The following SLC25A48 variants were observed in gnomAD, a reference collection of about 807,000 sequenced individuals.
SLC25A48 encodes the protein solute carrier family 25 member 48, also known as CTC-321K16.1.
A neutral mutation model predicts 32.2 loss-of-function variants in SLC25A48; 29 were observed. That is an observed-to-expected ratio of 0.90 (90% CI 0.67 to 1.23). The LOEUF (loss-of-function observed/expected upper bound fraction) is 1.23. Ranked by LOEUF, SLC25A48 falls within the 50% of genes most tolerant of loss-of-function variation. The probability of loss-of-function intolerance (pLI) is 0.00; values close to 1 mark genes in which losing one functional copy is unlikely to be tolerated. For synonymous variants in SLC25A48, 164 were observed against 172.3 expected (o/e 0.95, Z 0.38); for missense variants, 399 against 422.7 (o/e 0.94, Z 0.49).
chr5:135,674,637 C>T (rs1427835663), intron 3 of SLC25A48, among the ~76,000 whole-genome samples: 1 of 151,824 alleles, frequency 6.6e-6, no homozygotes, highest in Non-Finnish European at 1.5e-5. Flanking sequence ...ATAATGACCT[C>T]CAGTTCTGAC....
chr5:135,854,155 T>C (rs1760123006), intron 4 of SLC25A48, among the ~76,000 whole-genome samples: 1 of 152,220 alleles, frequency 6.6e-6, no homozygotes, highest in South Asian at 2.1e-4. Context: ...TTGTTCCTTT[T>C]CTAGAACACA....
chr5:135,837,304 G>A (rs1294887660), intron 1 of SLC25A48, among the ~76,000 whole-genome samples: 2 of 152,056 alleles, frequency 1.3e-5, no homozygotes, highest in East Asian at 1.9e-4. Flanking sequence ...GGGGACAGGT[G>A]GTTCTGGACC....
intron 3 of SLC25A48, among the ~76,000 whole-genome samples, chr5:135,761,807 T>C (rs1341025347): frequency 6.6e-6 from 1 of 152,196 alleles, no homozygotes; most frequent in Non-Finnish European, 1.5e-5. Context: ...GAGACCTCAC[T>C]GTCCCCAGGA....
intron 3 of SLC25A48, among the ~76,000 whole-genome samples, chr5:135,717,516 T>G (rs1211245979): frequency 6.6e-6 from 1 of 152,230 alleles, no homozygotes; most frequent in African/African-American, 2.4e-5. Flanking sequence ...TCTTTGCAGA[T>G]GTAATTAGTT....
At chr5:135,820,309 G>C (rs1757851488) in intron 4 of SLC25A48, among the ~76,000 whole-genome samples, 1 of 152,192 alleles carries the variant, frequency 6.6e-6, no homozygotes, top group South Asian at 2.1e-4. Flanking sequence ...AGGCACAAAA[G>C]AACATGCACT....
chr5:135,710,468 G>T (rs528650042), intron 3 of SLC25A48, among the ~76,000 whole-genome samples: 1 of 152,320 alleles, frequency 6.6e-6, no homozygotes, highest in South Asian at 2.1e-4. Context: ...CACTGACAAA[G>T]GCAGGCTTAT....
intron 4 of SLC25A48, among the ~76,000 whole-genome samples, chr5:135,829,367 C>T (rs544835188): frequency 7.2e-5 from 11 of 152,266 alleles, no homozygotes; most frequent in East Asian, 1.9e-4. Context: ...TTCAGTCAGG[C>T]GGACAGCAGC....
chr5:135,857,771 A>G (rs1426610095), intron 4 of SLC25A48, among the ~76,000 whole-genome samples: 1 of 152,130 alleles, frequency 6.6e-6, no homozygotes, highest in East Asian at 1.9e-4. Flanking sequence ...CCTGGAGGTC[A>G]GGGCTGTGCA....
Position 135,796,840 on chromosome 5 carries a change from T to G in SLC25A48, c.-520-15683T>G, listed in dbSNP as rs183315665. On this transcript the variant is annotated intron_variant, in intron 3 of 10. Transcript: ENST00000646290. Reference sequence around the variant, plus strand: ...ATTGCACGGGTGTGTGCCACCACTGTGATACTGTTCCTAATATCTAGGGAA... The same window carrying G: ...ATTGCACGGGTGTGTGCCACCACTGGGATACTGTTCCTAATATCTAGGGAA... 3.8e-3 allele frequency among the ~76,000 whole-genome samples: 579 copies of G among 151,854 alleles called. 1 individual carries two copies. Among genetic ancestry groups the G allele is most frequent in the African/African-American group, 0.012 (510 of 41,402 alleles).
rs1210892505 is a variant in SLC25A48, at chr5:135,888,366, T to G, written c.*342T>G. The stretch of plus-strand genomic sequence containing the variant: ...AGAAACGTTGCTTCACTCCTCTGTC[T>G]GAGGATGGGGAGGGGCCAGTGAGCT... On this transcript the variant is annotated 3_prime_UTR_variant, in exon 8 of 8. Transcript: ENST00000681962. 2.3e-5 allele frequency: 8 copies of G among 342,850 alleles called. No homozygotes were observed. The highest frequency in any genetic ancestry group is 1.3e-4 in the South Asian group (2 of 14,972). 21.2% of individuals were successfully genotyped at this position (342,850 alleles called of 1,614,324 possible).
intron 3 of SLC25A48, among the ~76,000 whole-genome samples, chr5:135,806,622 T>C (rs972397762): frequency 6.6e-6 from 1 of 150,778 alleles, no homozygotes; most frequent in African/African-American, 2.4e-5. Flanking sequence ...CTAGATATTA[T>C]AAATATTGTA....
At chr5:135,715,120 TATG>T (rs1754761667) in intron 3 of SLC25A48, among the ~76,000 whole-genome samples, 1 of 151,732 alleles carries the variant, frequency 6.6e-6, no homozygotes, top group African/African-American at 2.4e-5. Flanking sequence ...GCAGGGCAAA[TATG>T]AGGAGGTGAG....
intron 3 of SLC25A48, among the ~76,000 whole-genome samples, chr5:135,642,459 A>AGC (rs949977372): frequency 3.9e-5 from 6 of 152,230 alleles, no homozygotes; most frequent in African/African-American, 1.4e-4. Flanking sequence ...CCCCTTAGGT[A>AGC]GCTTGCTTGG....
chr5:135,704,949 G>A (rs1325132633), intron 3 of SLC25A48, among the ~76,000 whole-genome samples: 1 of 152,206 alleles, frequency 6.6e-6, no homozygotes, highest in Non-Finnish European at 1.5e-5. Flanking sequence ...AGGTGTTGGG[G>A]CTGAGAGGAC....
At chr5:135,672,524 G>A (rs893838049) in intron 3 of SLC25A48, among the ~76,000 whole-genome samples, 1 of 152,296 alleles carries the variant, frequency 6.6e-6, no homozygotes, top group Non-Finnish European at 1.5e-5. Context: ...CAGGTGTCCA[G>A]TCTTCAACAG....
intron 4 of SLC25A48, among the ~76,000 whole-genome samples, chr5:135,862,718 G>A (rs1021056329): frequency 1.3e-5 from 2 of 152,148 alleles, no homozygotes; most frequent in Admixed American, 6.5e-5. Flanking sequence ...ATGGGATGGC[G>A]AAGTGTTTTA....
intron 3 of SLC25A48, among the ~76,000 whole-genome samples, chr5:135,734,914 G>C (rs1188462945): frequency 6.6e-6 from 1 of 152,116 alleles, no homozygotes; most frequent in Admixed American, 6.5e-5. Flanking sequence ...GGAAGCTTCT[G>C]AGGCAATTGG....
intron 3 of SLC25A48, among the ~76,000 whole-genome samples, chr5:135,794,000 T>G (rs191888789): frequency 2.0e-3 from 301 of 151,986 alleles, no homozygotes; most frequent in Non-Finnish European, 1.7e-3. Context: ...ATTTCTTTGA[T>G]ATTGTTCCTA....
chr5:135,581,194 G>A (rs1751226110), intron 1 of SLC25A48, among the ~76,000 whole-genome samples: 1 of 152,216 alleles, frequency 6.6e-6, no homozygotes. Context: ...GACCATTGCG[G>A]TTATCATGAT....
Sources: allele counts gnomAD v4.1 joint callset (sites outside exome capture counted in the v4.1 genomes callset), GRCh38; gene constraint gnomAD v4.1.1; transcripts MANE v1.5; gene names NCBI Gene and HGNC (gene_info 2026-07-23, HGNC 2026-07-21).